The following QKI variants were observed in gnomAD, a reference collection of about 807,000 sequenced individuals.
QKI encodes the protein KH domain-containing RNA-binding protein QKI.
In QKI, 10 loss-of-function variants were observed where a neutral mutation model predicts 39.0. The observed-to-expected ratio is 0.26, with a 90% CI of 0.16 to 0.43. The LOEUF is 0.43. Among genes scored for constraint, QKI ranks in the 20% least tolerant of loss-of-function variants. QKI has a pLI of 1.00. For missense variants in QKI, 218 were observed against 428.0 expected, an observed-to-expected ratio of 0.51 and a Z score of 4.33; for synonymous variants, 204 against 155.4, an observed-to-expected ratio of 1.31 and a Z score of -2.33.
intron 4 of QKI, among the ~76,000 whole-genome samples, chr6:163,545,145 A>G (rs1254359591): frequency 1.3e-5 from 2 of 152,106 alleles, no homozygotes; most frequent in Non-Finnish European, 2.9e-5. Context: ...TCTCATGGGT[A>G]TGTGCTGCTT....
chr6:163,565,158 T>C (rs1783277844), intron 6 of QKI: 1 of 993,354 alleles, frequency 1.0e-6, no homozygotes, highest in Non-Finnish European at 1.2e-6. Flanking sequence ...GAGAGGCTTG[T>C]GTCTGTTGCA....
At position 163,572,356 on chromosome 6, in the gene QKI, A is replaced by G. The variant is rs1783739011; in HGVS notation, c.*1646A>G. 6.6e-6 allele frequency: 1 copy of G among 152,224 alleles called. No individual in the cohort carries two copies. Among genetic ancestry groups the G allele is most frequent in the Admixed American group, 6.5e-5 (1 of 15,276 alleles). The allele number at this position is 152,224 out of a possible 1,614,324, so 9.4% of individuals were successfully genotyped here. A position where few individuals can be genotyped will look rare whatever the true frequency, so the allele number is the denominator to read the frequency against. ...AATCTTTGTGATTTTCATTCTAGAA[A>G]ACAATGTTTTAAATCACCCAAATTT... On this transcript the variant is annotated 3_prime_UTR_variant, in exon 8 of 8. Coordinates refer to ENST00000361752, the MANE Select transcript of QKI (RefSeq NM_006775.3).
intron 4 of QKI, among the ~76,000 whole-genome samples, chr6:163,555,546 G>C (rs975729228): frequency 6.2e-5 from 9 of 145,408 alleles, no homozygotes; most frequent in African/African-American, 2.0e-4. Flanking sequence ...CACTCTGAGA[G>C]AAAACGATGA....
chr6:163,438,305 GTCA>G (rs1237811085), intron 1 of QKI, among the ~76,000 whole-genome samples: 2 of 152,120 alleles, frequency 1.3e-5, no homozygotes, highest in Admixed American at 6.5e-5. Flanking sequence ...TTACATCACA[GTCA>G]TCATTTATAA....
intron 3 of QKI, among the ~76,000 whole-genome samples, chr6:163,507,189 C>G (rs1021545084): frequency 1.3e-5 from 2 of 152,144 alleles, no homozygotes; most frequent in Non-Finnish European, 2.9e-5. Context: ...GGAGATAATA[C>G]TGTAACTAGA....
intron 7 of QKI, chr6:163,568,161 A>T: frequency 1.0e-6 from 1 of 985,260 alleles, no homozygotes; most frequent in Non-Finnish European, 1.2e-6. Context: ...TGAGTTTTAA[A>T]GAAACTGGAC....
chr6:163,542,876 A>G (rs1781629376), intron 4 of QKI, among the ~76,000 whole-genome samples: 1 of 152,182 alleles, frequency 6.6e-6, no homozygotes, highest in South Asian at 2.1e-4. Context: ...TAAAGTTGTC[A>G]TCAGGATTAT....
intron 4 of QKI, among the ~76,000 whole-genome samples, chr6:163,550,937 ACT>A (rs1474085564): frequency 1.9e-5 from 2 of 102,926 alleles, no homozygotes; most frequent in African/African-American, 4.3e-5. Context: ...ACAGAGCAAG[ACT>A]CTGTCTCACA....
At position 163,563,735 on chromosome 6, in the gene QKI, C is replaced by T; in HGVS notation, c.934+16C>T. 2.5e-6 allele frequency: 4 copies of T among 1,603,150 alleles called. No individual in the cohort carries two copies. Among genetic ancestry groups the T allele is most frequent in the African/African-American group, 1.3e-5 (1 of 74,660 alleles). ...GGTGTATTAGGTAAGTTCTTCTCCC[C>T]ATGGGGTTAACAACATTCTCTTTAT... On this transcript the variant is annotated intron_variant, in intron 6 of 7. Coordinates refer to ENST00000361752, the MANE Select transcript of QKI (RefSeq NM_006775.3).
intron 3 of QKI, among the ~76,000 whole-genome samples, chr6:163,485,092 A>G (rs779859370): frequency 1.3e-5 from 2 of 152,216 alleles, no homozygotes; most frequent in South Asian, 4.1e-4. Flanking sequence ...TCATACTATC[A>G]TTCCTTTGAT....
intron 4 of QKI, among the ~76,000 whole-genome samples, chr6:163,547,291 A>G (rs1456658299): frequency 6.6e-6 from 1 of 152,356 alleles, no homozygotes; most frequent in Admixed American, 6.5e-5. Flanking sequence ...ACTTCATTAT[A>G]TACAGAGACT....
intron 1 of QKI, among the ~76,000 whole-genome samples, chr6:163,453,046 ATCTAG>A (rs1004640404): frequency 6.6e-6 from 1 of 150,380 alleles, no homozygotes; most frequent in Non-Finnish European, 1.5e-5. Flanking sequence ...TAATTTTTTA[ATCTAG>A]TCATTTTATC....
At chr6:163,484,522 G>T (rs752176230) in intron 3 of QKI, among the ~76,000 whole-genome samples, 36 of 152,062 alleles carry the variant, frequency 2.4e-4, no homozygotes, top group Non-Finnish European at 4.7e-4. Context: ...ATTTTTAAGG[G>T]CCCTAGTATT....
chr6:163,526,536 G>A (rs1297417852), intron 3 of QKI, among the ~76,000 whole-genome samples: 1 of 152,144 alleles, frequency 6.6e-6, no homozygotes, highest in Non-Finnish European at 1.5e-5. Context: ...TCAGCCCAAA[G>A]TTTCCAGTTT....
chr6:163,505,148 A>C (rs1280784571), intron 3 of QKI, among the ~76,000 whole-genome samples: 1 of 152,136 alleles, frequency 6.6e-6, no homozygotes, highest in Non-Finnish European at 1.5e-5. Context: ...ACAAGAGTTG[A>C]GCTTTGAGAA....
chr6:163,445,900 C>T (rs1204437184), intron 1 of QKI, among the ~76,000 whole-genome samples: 3 of 152,216 alleles, frequency 2.0e-5, no homozygotes, highest in African/African-American at 7.2e-5. Flanking sequence ...AGGCGTGAGC[C>T]ATCGAGCCCG....
intron 1 of QKI, among the ~76,000 whole-genome samples, chr6:163,451,492 G>A (rs953592396): frequency 2.0e-5 from 3 of 152,226 alleles, no homozygotes; most frequent in African/African-American, 4.8e-5. Context: ...TTATGGGGCT[G>A]CTGAGTTGTG....
chr6:163,472,328 C>T (rs1164707810), intron 2 of QKI, among the ~76,000 whole-genome samples: 1 of 152,070 alleles, frequency 6.6e-6, no homozygotes, highest in East Asian at 1.9e-4. Context: ...GTGGTCTTTA[C>T]ATGGAGTAGG....
At position 163,566,770 on chromosome 6, in the gene QKI, C is replaced by T; in HGVS notation, c.984C>T (p.Tyr328=). The change falls in exon 7 of 8, where the codon TAC becomes TAT. Residue 328 remains tyrosine (Y), a synonymous_variant. Coordinates refer to ENST00000361752, the MANE Select transcript of QKI (RefSeq NM_006775.3). The part of the protein sequence containing the change: ...VRRHDMRVHP[Y]QRIVTADRAA... ...GGCACGATATGCGTGTCCATCCTTA[C>T]CAAAGGATTGTGACCGCAGACCGAG... The T allele has an allele frequency of 6.2e-7, 1 of 1,613,800 alleles. No homozygotes were observed. The highest frequency in any genetic ancestry group is 8.5e-7 in the Non-Finnish European group (1 of 1,179,868).
Sources: allele counts gnomAD v4.1 joint callset (sites outside exome capture counted in the v4.1 genomes callset), GRCh38; gene constraint gnomAD v4.1.1; transcripts MANE v1.5; gene names NCBI Gene and HGNC (gene_info 2026-07-23, HGNC 2026-07-21).